The following PHF24 variants were observed in gnomAD, a reference collection of about 807,000 sequenced individuals.
PHF24 encodes the protein Galpha inhibitory interacting protein.
PHF24 carries 25 observed loss-of-function variants against 42.6 expected under a neutral mutation model. The observed-to-expected ratio is 0.59, with a 90% CI of 0.43 to 0.82. The LOEUF is 0.82. PHF24 is among the 40% of genes least tolerant of loss of function. The pLI is 0.00. For synonymous variants in PHF24, 185 were observed against 204.8 expected (o/e 0.90, Z 0.83); for missense variants, 470 against 538.1 (o/e 0.87, Z 1.25).
the PHF24 span, among the ~76,000 whole-genome samples, chr9:34,762,585 T>C: frequency 6.8e-6 from 1 of 147,254 alleles, no homozygotes; most frequent in East Asian, 2.0e-4. Context: ...TCATTGTAGA[T>C]TCTGGATATT....
chr9:34,669,482 G>A, the PHF24 span, among the ~76,000 whole-genome samples: 3 of 152,004 alleles, frequency 2.0e-5, no homozygotes, highest in East Asian at 5.8e-4. Context: ...GAGTCCCTGG[G>A]AGCAGCAGGT....
chr9:34,840,637 C>G, the PHF24 span, among the ~76,000 whole-genome samples: 1 of 151,986 alleles, frequency 6.6e-6, no homozygotes, highest in East Asian at 1.9e-4. Context: ...TCAAGGGTTC[C>G]TCTTGCCTCA....
the PHF24 span, chr9:34,724,073 G>A: frequency 1.3e-6 from 2 of 1,523,120 alleles, no homozygotes; most frequent in Non-Finnish European, 1.8e-6. Context: ...GTCCCTGGCT[G>A]CTTTGGTTTC....
chr9:34,803,130 A>G, the PHF24 span, among the ~76,000 whole-genome samples: 1 of 152,144 alleles, frequency 6.6e-6, no homozygotes, highest in African/African-American at 2.4e-5. Context: ...ATACATCTCC[A>G]GGCTACGAGG....
At chr9:34,804,930 T>C in the PHF24 span, among the ~76,000 whole-genome samples, 1 of 152,232 alleles carries the variant, frequency 6.6e-6, no homozygotes, top group African/African-American at 2.4e-5. Flanking sequence ...TAGCTTTTAC[T>C]ATTCTGGACT....
chr9:34,754,422 G>A, the PHF24 span, among the ~76,000 whole-genome samples: 1 of 151,984 alleles, frequency 6.6e-6, no homozygotes, highest in South Asian at 2.1e-4. Context: ...TCTAAGAAAA[G>A]GTGCTCAACA....
At chr9:34,771,278 C>G in the PHF24 span, among the ~76,000 whole-genome samples, 1 of 152,164 alleles carries the variant, frequency 6.6e-6, no homozygotes, top group South Asian at 2.1e-4. Flanking sequence ...CATGCTGAGG[C>G]TATATATTGC....
At chr9:34,922,540 A>G in the PHF24 span, 4 of 985,154 alleles carry the variant, frequency 4.1e-6, no homozygotes, top group Admixed American at 6.8e-5. Context: ...TCAGCCAAGT[A>G]ATGGTAGTGA....
the PHF24 span, chr9:34,725,814 A>G: frequency 1.3e-6 from 2 of 1,549,794 alleles, no homozygotes; most frequent in Non-Finnish European, 1.7e-6. Flanking sequence ...AGTTGGGGGA[A>G]GGAGAGCTCA....
At chr9:34,824,916 T>G in the PHF24 span, among the ~76,000 whole-genome samples, 6 of 152,314 alleles carry the variant, frequency 3.9e-5, no homozygotes, top group Admixed American at 2.6e-4. Context: ...TAGTATTACC[T>G]GTCTGAGGTA....
the PHF24 span, among the ~76,000 whole-genome samples, chr9:34,851,567 G>C: frequency 2.0e-5 from 3 of 152,206 alleles, no homozygotes; most frequent in Admixed American, 6.5e-5. Flanking sequence ...GTGAGGCAAT[G>C]CCTCGCCCTG....
At chr9:34,814,016 C>G in the PHF24 span, among the ~76,000 whole-genome samples, 1 of 152,166 alleles carries the variant, frequency 6.6e-6, no homozygotes, top group Non-Finnish European at 1.5e-5. Context: ...GAAGTTTTTT[C>G]CAAACCCTTC....
At chr9:34,682,135 C>T in the PHF24 span, among the ~76,000 whole-genome samples, 60 of 151,070 alleles carry the variant, frequency 4.0e-4, no homozygotes, top group Non-Finnish European at 7.4e-4. Flanking sequence ...CCACCACACC[C>T]GGCTAATTAT....
At chr9:34,764,748 A>T in the PHF24 span, among the ~76,000 whole-genome samples, 1 of 151,940 alleles carries the variant, frequency 6.6e-6, no homozygotes, top group Non-Finnish European at 1.5e-5. Context: ...TAGCTTTTGA[A>T]TGTGTTTGCT....
At chr9:34,969,169 G>T (rs1322102071) in intron 1 of PHF24, among the ~76,000 whole-genome samples, 1 of 152,246 alleles carries the variant, frequency 6.6e-6, no homozygotes, top group South Asian at 2.1e-4. Context: ...GAGACTGATT[G>T]TGGGGACTTC....
At chr9:34,738,377 G>T in the PHF24 span, among the ~76,000 whole-genome samples, 163 of 152,088 alleles carry the variant, frequency 1.1e-3, 2 homozygotes, top group Middle Eastern at 0.017. Context: ...TTGAGACAGA[G>T]TCTCGCTCTG....
chr9:34,835,264 C>A, the PHF24 span: 3 of 1,552,248 alleles, frequency 1.9e-6, no homozygotes, highest in African/African-American at 2.7e-5. Flanking sequence ...GAAGAGAGAC[C>A]TGAGAAGTAT....
chr9:34,970,102 G>GAACAGTATTGGATTAGAACAGTATTAGA (rs1826921906), intron 1 of PHF24, among the ~76,000 whole-genome samples: 1 of 152,168 alleles, frequency 6.6e-6, no homozygotes, highest in African/African-American at 2.4e-5. Flanking sequence ...GCCTTGATTA[G>GAACAGTATTGGATTAGAACAGTATTAGA]AATGGATTGA....
the PHF24 span, among the ~76,000 whole-genome samples, chr9:34,691,952 C>T: frequency 1.3e-5 from 2 of 152,192 alleles, no homozygotes; most frequent in African/African-American, 2.4e-5. Context: ...GAATAGCCCC[C>T]TTCATTTTCC....
Sources: gnomAD v4.1 joint callset for allele counts (sites outside exome capture counted in the v4.1 genomes callset) on GRCh38, gnomAD v4.1.1 for gene constraint, MANE v1.5 for transcripts, NCBI Gene and HGNC (gene_info 2026-07-23, HGNC 2026-07-21) for gene names.